The following DPYD variants were observed in gnomAD, a reference collection of about 807,000 sequenced individuals.
The protein encoded by DPYD is dihydropyrimidine dehydrogenase.
Under a neutral mutation model 116.2 loss-of-function variants are expected in DPYD, and 109 were observed. That is an observed-to-expected ratio of 0.94 (90% CI 0.80 to 1.10). DPYD has a LOEUF of 1.10. Ranked by LOEUF, DPYD falls within the 50% of genes least tolerant of loss-of-function variation. DPYD has a pLI of 0.00. For missense variants in DPYD, 1,302 were observed against 1,254.5 expected (o/e 1.04, Z -0.57); for synonymous variants, 440 against 432.0 (o/e 1.02, Z -0.23).
chr1:97,590,282 A>C (rs901831459), intron 10 of DPYD, among the ~76,000 whole-genome samples: 2 of 152,290 alleles, frequency 1.3e-5, no homozygotes, highest in African/African-American at 4.8e-5. Flanking sequence ...CTCTCCAAGA[A>C]ATTTTGCCTA....
chr1:97,577,322 T>G (rs1653332365), intron 10 of DPYD, among the ~76,000 whole-genome samples: 1 of 152,188 alleles, frequency 6.6e-6, no homozygotes, highest in South Asian at 2.1e-4. Flanking sequence ...AACGAGTAGA[T>G]GCAGCCTGCT....
intron 10 of DPYD, among the ~76,000 whole-genome samples, chr1:97,585,622 G>A (rs1418699022): frequency 1.3e-5 from 2 of 152,098 alleles, no homozygotes; most frequent in Admixed American, 6.5e-5. Flanking sequence ...TTGTTTTTAT[G>A]TTAATTCATG....
chr1:97,121,285 C>T (rs1011811499), intron 20 of DPYD, among the ~76,000 whole-genome samples: 9 of 152,086 alleles, frequency 5.9e-5, no homozygotes, highest in Non-Finnish European at 1.3e-4. Flanking sequence ...TGGGAACTTT[C>T]CTAATCATCC....
intron 15 of DPYD, among the ~76,000 whole-genome samples, chr1:97,380,760 A>G (rs1260445820): frequency 6.6e-6 from 1 of 152,146 alleles, no homozygotes; most frequent in Non-Finnish European, 1.5e-5. Flanking sequence ...AGTAATTTTG[A>G]CTTGAATATG....
intron 20 of DPYD, among the ~76,000 whole-genome samples, chr1:97,172,286 A>AT (rs1007892479): frequency 5.3e-5 from 8 of 152,088 alleles, no homozygotes; most frequent in African/African-American, 1.9e-4. Flanking sequence ...GATCAACAGT[A>AT]TTTTTTGTCA....
In DPYD at chr1:97,497,687, T is replaced by C. The variant is rs141940938; in HGVS notation, c.1740+18039A>G. On this transcript the variant is annotated intron_variant, in intron 13 of 22. Transcript: ENST00000370192. The stretch of plus-strand genomic sequence containing the variant: ...AAAGATGAACAACAAACAACAATGT[T>C]GGCGAGTATGTGAAGAAACTGGAAA... Among the ~76,000 whole-genome samples the C allele has an allele frequency of 2.8e-3, 420 of 151,972 alleles. 1 individual carries two copies. Among genetic ancestry groups the C allele is most frequent in the African/African-American group, 9.4e-3 (389 of 41,534 alleles).
chr1:97,185,727 G>A (rs188275344), intron 20 of DPYD, among the ~76,000 whole-genome samples: 4 of 152,248 alleles, frequency 2.6e-5, no homozygotes, highest in South Asian at 4.1e-4. Flanking sequence ...TACATATTCT[G>A]TAGAATTCCA....
At chr1:97,186,057 T>C (rs1437974748) in intron 20 of DPYD, among the ~76,000 whole-genome samples, 3 of 152,220 alleles carry the variant, frequency 2.0e-5, no homozygotes, top group East Asian at 3.8e-4. Context: ...TATCCTCTTT[T>C]GAAACTGTCA....
At chr1:97,682,121 TA>T (rs1660456955) in intron 7 of DPYD, among the ~76,000 whole-genome samples, 1 of 152,024 alleles carries the variant, frequency 6.6e-6, no homozygotes, top group African/African-American at 2.4e-5. Flanking sequence ...TTGTAATATA[TA>T]AGAAAGATGC....
chr1:97,456,704 T>C (rs1676709482), intron 13 of DPYD, among the ~76,000 whole-genome samples: 1 of 152,060 alleles, frequency 6.6e-6, no homozygotes. Context: ...GGGCAACTAG[T>C]ATTATAGGAA....
intron 2 of DPYD, among the ~76,000 whole-genome samples, chr1:97,840,242 C>A (rs145373901): frequency 6.6e-6 from 1 of 150,892 alleles, no homozygotes; most frequent in Non-Finnish European, 1.5e-5. Context: ...TTTAAATGCA[C>A]GACAAAAAAA....
chr1:97,870,193 T>C (rs572435739), intron 2 of DPYD, among the ~76,000 whole-genome samples: 93 of 151,978 alleles, frequency 6.1e-4, no homozygotes, highest in African/African-American at 2.0e-3. Flanking sequence ...TAAATAGATA[T>C]TAGAAATTTG....
At chr1:97,296,173 T>C (rs536704839) in intron 18 of DPYD, 1 of 152,298 alleles carries the variant, frequency 6.6e-6, no homozygotes, top group African/African-American at 2.4e-5. Flanking sequence ...AATATTGGTG[T>C]TGGTTTTGAG....
At chr1:97,474,544 T>C (rs1677842398) in intron 13 of DPYD, among the ~76,000 whole-genome samples, 1 of 152,070 alleles carries the variant, frequency 6.6e-6, no homozygotes. Flanking sequence ...CTAGTAATTA[T>C]ATATTAGATG....
intron 10 of DPYD, chr1:97,585,955 C>A: frequency 1.3e-5 from 1 of 76,308 alleles, no homozygotes; most frequent in South Asian, 1.7e-4. Context: ...ACAATTATGT[C>A]TTCCCTCTTT....
At chr1:97,835,815 T>A (rs1669744101) in intron 2 of DPYD, among the ~76,000 whole-genome samples, 1 of 152,130 alleles carries the variant, frequency 6.6e-6, no homozygotes, top group Non-Finnish European at 1.5e-5. Flanking sequence ...TTTACTATTT[T>A]GGAAGCCATT....
chr1:97,539,316 A>G (rs1650253899), intron 12 of DPYD, among the ~76,000 whole-genome samples: 1 of 152,128 alleles, frequency 6.6e-6, no homozygotes, highest in South Asian at 2.1e-4. Flanking sequence ...TTTCCCCTAA[A>G]TGTTTGATTT....
At chr1:97,697,573 T>C (rs1661375211) in intron 6 of DPYD, among the ~76,000 whole-genome samples, 1 of 151,992 alleles carries the variant, frequency 6.6e-6, no homozygotes, top group Admixed American at 6.6e-5. Flanking sequence ...GATTAAATAT[T>C]TCATATTGTC....
rs1661477595 is a variant in DPYD, at chr1:97,699,511, G to A, written c.520C>T (p.Pro174Ser). ...ATTTTTTCTGGGGGAGGCAGCGAAG[G>A]ATTTCTGATCTGTGGGATACTCATT... is the stretch of plus-strand genomic sequence containing the variant. The part of the protein sequence containing the change: ...KAMSIPQIRN[P>S]SLPPPEKMSE... Residue 174 changes from proline to serine, a missense_variant, in exon 6 of 23, where the codon CCT becomes TCT. Physicochemically the swap from Pro to Ser is moderately conservative, Grantham distance 74 (BLOSUM62 -1). Coordinates refer to ENST00000370192, the MANE Select transcript of DPYD (RefSeq NM_000110.4). The A allele has an allele frequency of 1.2e-6, 2 of 1,613,478 alleles. No homozygotes were observed. Among genetic ancestry groups the A allele is most frequent in the Non-Finnish European group, 1.7e-6 (2 of 1,179,570 alleles).
Sources: gnomAD v4.1 joint callset for allele counts (sites outside exome capture counted in the v4.1 genomes callset) on GRCh38, gnomAD v4.1.1 for gene constraint, MANE v1.5 for transcripts, NCBI Gene and HGNC (gene_info 2026-07-23, HGNC 2026-07-21) for gene names.